TSC1: variants seen among roughly 807,000 people sequenced by gnomAD.
TSC1 encodes TSC complex subunit 1.
A neutral mutation model predicts 124.3 loss-of-function variants in TSC1; 20 were observed. The ratio of observed to expected loss-of-function variants is 0.16; its 90% CI spans 0.11 to 0.23. The LOEUF is 0.23. TSC1 is among the 10% of genes least tolerant of loss of function. The pLI, the probability that TSC1 is intolerant of heterozygous loss-of-function variation, is 1.00. For missense variants in TSC1, 1,124 were observed against 1,448.5 expected, an observed-to-expected ratio of 0.78 and a Z score of 3.64; for synonymous variants, 493 against 539.1, an observed-to-expected ratio of 0.91 and a Z score of 1.19.
At chr9:132,944,118 G>A (rs1372148875) in intron 1 of TSC1, 1 of 154,618 alleles carries the variant, frequency 6.5e-6, no homozygotes, top group Admixed American at 6.5e-5. Context: ...CTCTCTTTAA[G>A]TTCTGGGACC....
chr9:132,911,356 A>G (rs1162917838), intron 10 of TSC1, 97 bp downstream of exon 10: 1 of 945,592 alleles, frequency 1.1e-6, no homozygotes, highest in Non-Finnish European at 1.8e-6. Flanking sequence ...TGAAATGAGC[A>G]GTGTGAAATT....
chr9:132,931,499 G>T (rs148605906), intron 2 of TSC1: 1 of 152,278 alleles, frequency 6.6e-6, no homozygotes, highest in Non-Finnish European at 1.5e-5. Context: ...TGTCGGCCGC[G>T]TTGGTGGTAT....
Position 132,907,386 on chromosome 9 carries a change from T to C in TSC1, c.1264-16A>G, listed in dbSNP as rs2131883904. 6.2e-7 allele frequency: 1 copy of C among 1,605,508 alleles called. No individual in the cohort carries two copies. Among genetic ancestry groups the C allele is most frequent in the Non-Finnish European group, 8.5e-7 (1 of 1,172,136 alleles). ...TTCTCTCTTCCTGAAAAGATAAGTA[T>C]CATTTATATCACAAGACGAAAAATG... On this transcript the variant is annotated splice_polypyrimidine_tract_variant and intron_variant, in intron 12 of 22. Coordinates refer to ENST00000298552, the MANE Select transcript of TSC1 (RefSeq NM_000368.5).
intron 5 of TSC1, chr9:132,925,114 T>G (rs1020757626): frequency 1.2e-5 from 2 of 171,508 alleles, no homozygotes; most frequent in African/African-American, 4.8e-5. Flanking sequence ...AAAAATGCAC[T>G]AAATTTAGTG....
At chr9:132,907,904 T>C (rs1845755010) in intron 12 of TSC1, among the ~76,000 whole-genome samples, 1 of 152,194 alleles carries the variant, frequency 6.6e-6, no homozygotes, top group Non-Finnish European at 1.5e-5. Flanking sequence ...CTGGGGAACA[T>C]GGCAAAACCC....
At chr9:132,927,336 T>C (rs1222485647) in intron 3 of TSC1, 32 bp from the exon 4 acceptor site, 2 of 1,592,830 alleles carry the variant, frequency 1.3e-6, no homozygotes, top group Non-Finnish European at 1.7e-6. Flanking sequence ...GGATGATACT[T>C]ATTCCCCTTA....
chr9:132,902,026 A>T lies in TSC1; in HGVS notation c.2392-327T>A, dbSNP rs577501722. On this transcript the variant is annotated intron_variant, in intron 18 of 22. Coordinates refer to ENST00000298552, the MANE Select transcript of TSC1 (RefSeq NM_000368.5). The surrounding 1 kb of genome is among the most constrained non-coding windows in gnomAD (Gnocchi z 5.2). ...AGGGAGACGCAGCGCCATCTGTTGG[A>T]CACTCTGTGAATTACTAACTGGCTG... The T allele has an allele frequency of 6.2e-5, 19 of 307,982 alleles. No individual in the cohort carries two copies. The highest frequency in any genetic ancestry group is 4.8e-4 in the Admixed American group (10 of 21,026). The allele number at this position is 307,982 out of a possible 1,614,324, so 19.1% of individuals were successfully genotyped here.
At chr9:132,922,074 T>A in intron 6 of TSC1, 101 bp from the exon 7 acceptor site, 1 of 1,397,620 alleles carries the variant, frequency 7.2e-7, no homozygotes, top group Non-Finnish European at 1.0e-6. Flanking sequence ...TTTTTATCTA[T>A]GTATATTCCC....
Position 132,928,851 on chromosome 9 carries a change from C to T in TSC1, c.22G>A (p.Gly8Arg), listed in dbSNP as rs773784532. The T allele has an allele frequency of 4.3e-6, 7 of 1,614,066 alleles. No individual in the cohort carries two copies. Among genetic ancestry groups the T allele is most frequent in the East Asian group, 2.2e-5 (1 of 44,900 alleles). Residue 8 changes from glycine (G) to arginine (R), a missense_variant, in exon 3 of 23, where the codon GGG becomes AGG. Physicochemically the swap from Gly to Arg is moderately radical, Grantham distance 125. Around this residue, in one of 5 missense-constraint regions of TSC1, gnomAD observed 463 missense variants for 606.8 expected, o/e 0.76. Coordinates refer to ENST00000298552, the MANE Select transcript of TSC1 (RefSeq NM_000368.5). ...GAGTCCAGCATGGCAAGAAGCTCCCCGACATTTGCTTGTTGGGCCATTCTC... is the reference window on the plus strand; with the variant it reads ...GAGTCCAGCATGGCAAGAAGCTCCCTGACATTTGCTTGTTGGGCCATTCTC... MAQQANVGELLAMLDSPM... is the reference protein window; with the variant it reads MAQQANVRELLAMLDSPM...
Position 132,923,226 on chromosome 9 carries a change from T to C in TSC1, c.508+122A>G, listed in dbSNP as rs1192195423. The stretch of plus-strand genomic sequence containing the variant: ...CCAAGATATTCCCTCATCTGTCTGG[T>C]GAAAACCACTCATTTCAGCTATAAA... On this transcript the variant is annotated intron_variant, in intron 6 of 22. Coordinates refer to ENST00000298552, the MANE Select transcript of TSC1 (RefSeq NM_000368.5). The surrounding 1 kb of genome is among the most constrained non-coding windows in gnomAD (Gnocchi z 4.2). 2.9e-6 allele frequency: 4 copies of C among 1,396,872 alleles called. No homozygotes were observed. In the African/African-American group the frequency reaches 4.3e-5, roughly 15 times the overall value. The allele number at this position is 1,396,872 out of a possible 1,614,324, so 86.5% of individuals were successfully genotyped here.
chr9:132,899,000 C>T (rs1845231118), intron 20 of TSC1: 1 of 152,296 alleles, frequency 6.6e-6, no homozygotes, highest in Non-Finnish European at 1.5e-5. Flanking sequence ...GATCTCGGCC[C>T]ACTGAAACCT....
intron 12 of TSC1, chr9:132,910,153 T>A (rs1845869283): frequency 7.1e-6 from 2 of 281,522 alleles, no homozygotes; most frequent in Admixed American, 4.8e-5. Context: ...AAAAAAAACT[T>A]AGCCAGGCAT....
Position 132,894,110 on chromosome 9 carries a change from G to A in TSC1, c.*2125C>T, listed in dbSNP as rs1047365904. On this transcript the variant is annotated 3_prime_UTR_variant, in exon 23 of 23. Transcript: ENST00000298552. ...AGCTGAGTAAAAGGACACCCAGGCCGCATGGATGAGCTGAGGACCCTGTGC... is the reference window on the plus strand; with the variant it reads ...AGCTGAGTAAAAGGACACCCAGGCCACATGGATGAGCTGAGGACCCTGTGC... The A allele has an allele frequency of 6.0e-5, 14 of 233,386 alleles. No homozygotes were observed. The highest frequency in any genetic ancestry group is 1.0e-4 in the Non-Finnish European group (12 of 117,942). The allele number at this position is 233,386 out of a possible 1,614,324, so 14.5% of individuals were successfully genotyped here.
rs117986467 is a variant in TSC1 at position 132,922,734 on chromosome 9, G to A, written c.508+614C>T. Among the ~76,000 whole-genome samples, 1,329 of 152,248 alleles carry A rather than the reference G, an allele frequency of 8.7e-3. 12 individuals carry two copies. The highest frequency in any genetic ancestry group is 0.017 in the Middle Eastern group (5 of 294). ...AATTTAATCCTATACAGGAAGGCACGGTGTTCTGTCTCACAGGTCTGACAT... is the reference window on the plus strand; with the variant it reads ...AATTTAATCCTATACAGGAAGGCACAGTGTTCTGTCTCACAGGTCTGACAT... On this transcript the variant is annotated intron_variant, in intron 6 of 22. Transcript: ENST00000298552.
Position 132,895,977 on chromosome 9 carries a change from C to T in TSC1, c.*258G>A, listed in dbSNP as rs1845011470. ...AGAAAGTAAAGCTACTGAGGAACAC[C>T]AACTGGCCCTTGGATTAGAACACAC... On this transcript the variant is annotated 3_prime_UTR_variant, in exon 23 of 23. Transcript: ENST00000298552. 1.8e-6 allele frequency: 1 copy of T among 547,946 alleles called. No individual in the cohort carries two copies. The highest frequency in any genetic ancestry group is 1.9e-5 in the African/African-American group (1 of 53,106). The allele number at this position is 547,946 out of a possible 1,614,324, so 33.9% of individuals were successfully genotyped here. A position where few individuals can be genotyped will look rare whatever the true frequency, so the allele number is the denominator to read the frequency against.
At chr9:132,910,889 G>C in intron 11 of TSC1, 113 bp downstream of exon 11, 1 of 1,318,438 alleles carries the variant, frequency 7.6e-7, no homozygotes, top group Non-Finnish European at 1.1e-6. Flanking sequence ...TGCAATAAGT[G>C]TCAAAAACAA....
Position 132,902,908 on chromosome 9 carries a change from C to T in TSC1, c.2209-121G>A. ...CCCTGAAAATGTAACTAACTACAGA[C>T]CAAAACTCTTAGAGCTCACTACTGT... is the stretch of plus-strand genomic sequence containing the variant. On this transcript the variant is annotated intron_variant, in intron 17 of 22. Coordinates refer to ENST00000298552, the MANE Select transcript of TSC1 (RefSeq NM_000368.5). This position sits in a 1 kb window ranked among gnomAD's most constrained non-coding sequence, Gnocchi z 5.2. 1 of 1,300,758 alleles carries T rather than the reference C, an allele frequency of 7.7e-7. No individual in the cohort carries two copies. The highest frequency in any genetic ancestry group is 1.1e-6 in the Non-Finnish European group (1 of 913,154). The allele number at this position is 1,300,758 out of a possible 1,614,324, so 80.6% of individuals were successfully genotyped here.
intron 1 of TSC1, 139 bp downstream of exon 1, chr9:132,944,404 A>T (rs112814101): frequency 4.3e-5 from 17 of 393,108 alleles, no homozygotes; most frequent in Middle Eastern, 6.3e-4. Flanking sequence ...AGCTCTCCGA[A>T]CCCCCCTTCC....
chr9:132,895,326 G>T lies in TSC1; in HGVS notation c.*909C>A, dbSNP rs1844974798. The T allele has an allele frequency of 8.6e-6, 2 of 233,254 alleles. No individual in the cohort carries two copies. The highest frequency in any genetic ancestry group is 5.6e-5 in the Admixed American group (1 of 17,776). 14.4% of individuals were successfully genotyped at this position (233,254 alleles called of 1,614,324 possible). On this transcript the variant is annotated 3_prime_UTR_variant, in exon 23 of 23. Transcript: ENST00000298552. Reference sequence around the variant, plus strand: ...ACAAAGGGAGGCCAGTAGACAGAAGGGTTTAACAAAAGGCCCAGCAAGCTG... The same window carrying T: ...ACAAAGGGAGGCCAGTAGACAGAAGTGTTTAACAAAAGGCCCAGCAAGCTG...
Sources: allele counts gnomAD v4.1 joint callset (sites outside exome capture counted in the v4.1 genomes callset), GRCh38; gene constraint gnomAD v4.1.1; regional missense constraint gnomAD v4.1.1; non-coding constraint Gnocchi (gnomAD v3.1); transcripts MANE v1.5; gene names NCBI Gene and HGNC (gene_info 2026-07-23, HGNC 2026-07-21).